Variants in FMN2 observed in about 807,000 individuals in gnomAD.
FMN2 encodes formin-2.
Under a neutral mutation model 142.3 loss-of-function variants are expected in FMN2, and 51 were observed. The ratio of observed to expected loss-of-function variants is 0.36; its 90% CI spans 0.29 to 0.45. The LOEUF (loss-of-function observed/expected upper bound fraction) is 0.45, where lower values mean the gene tolerates loss of function less well. Ranked by LOEUF, FMN2 falls within the 20% of genes least tolerant of loss-of-function variation. FMN2 has a pLI of 1.00. For synonymous variants in FMN2, 882 were observed against 869.8 expected (o/e 1.01, Z -0.25); for missense variants, 1,936 against 2,122.8 (o/e 0.91, Z 1.73).
intron 1 of FMN2, among the ~76,000 whole-genome samples, chr1:240,097,288 T>G (rs1199242297): frequency 2.6e-5 from 4 of 152,148 alleles, no homozygotes; most frequent in Admixed American, 2.6e-4. Flanking sequence ...GTCTGTAGTT[T>G]CTGAGTTTTT....
In FMN2 at chr1:240,450,442, GTCTT is replaced by G. The variant is rs573861678; in HGVS notation, c.5060+12236_5060+12239del. Among the ~76,000 whole-genome samples the G allele has an allele frequency of 3.3e-5, 5 of 152,276 alleles. No homozygotes were observed. The East Asian group carries it at 7.7e-4, about 24-fold the overall frequency. On this transcript the variant is annotated intron_variant, in intron 16 of 17. Transcript: ENST00000319653. ...ACCTAGGATCCCAGATACCTTGAAT[GTCTT>G]TCTAAGTCTGAACACTTTAGGTAAT...
intron 8 of FMN2, among the ~76,000 whole-genome samples, chr1:240,297,163 T>C (rs1370070332): frequency 6.6e-6 from 1 of 152,212 alleles, no homozygotes; most frequent in African/African-American, 2.4e-5. Context: ...ACATTTGGTG[T>C]ATACATGGTG....
intron 8 of FMN2, among the ~76,000 whole-genome samples, chr1:240,306,802 T>G (rs1670423936): frequency 6.6e-6 from 1 of 152,268 alleles, no homozygotes; most frequent in African/African-American, 2.4e-5. Flanking sequence ...ATTTCTATTT[T>G]TAGTTCATTG....
intron 13 of FMN2, among the ~76,000 whole-genome samples, chr1:240,353,835 A>G (rs1298290199): frequency 6.6e-6 from 1 of 152,152 alleles, no homozygotes; most frequent in Non-Finnish European, 1.5e-5. Context: ...GATGCCCTGG[A>G]ATCACCAAAG....
At chr1:240,100,754 C>T (rs906519325) in intron 1 of FMN2, among the ~76,000 whole-genome samples, 5 of 152,160 alleles carry the variant, frequency 3.3e-5, no homozygotes, top group African/African-American at 1.2e-4. Flanking sequence ...CAGGCTCCAA[C>T]CTACCAGGAA....
chr1:240,234,241 ACCT>A (rs1667622413), intron 6 of FMN2, among the ~76,000 whole-genome samples: 2 of 151,760 alleles, frequency 1.3e-5, no homozygotes, highest in African/African-American at 4.8e-5. Context: ...TGCATTAACA[ACCT>A]CCTCAGGTGA....
chr1:240,255,083 C>T (rs187554973), intron 6 of FMN2, among the ~76,000 whole-genome samples: 67 of 152,266 alleles, frequency 4.4e-4, no homozygotes, highest in African/African-American at 1.5e-3. Context: ...ATGTGGGCTG[C>T]TGGGGTCGCT....
chr1:240,121,702 T>A (rs766164860), intron 1 of FMN2, among the ~76,000 whole-genome samples: 7 of 133,734 alleles, frequency 5.2e-5, no homozygotes, highest in Non-Finnish European at 7.7e-5. Flanking sequence ...TGTCTTCTTA[T>A]TATGCCTCTC....
At chr1:240,353,390 G>T (rs989466747) in intron 13 of FMN2, among the ~76,000 whole-genome samples, 14 of 152,184 alleles carry the variant, frequency 9.2e-5, no homozygotes, top group Admixed American at 3.9e-4. Context: ...GGCACATTCA[G>T]TGGATGGGTG....
At chr1:240,166,696 C>A (rs1257880534) in intron 2 of FMN2, among the ~76,000 whole-genome samples, 1 of 152,116 alleles carries the variant, frequency 6.6e-6, no homozygotes, top group Non-Finnish European at 1.5e-5. Context: ...TTTTTGGAAA[C>A]TCTACTTTTT....
chr1:240,464,006 A>T (rs2103233707), intron 16 of FMN2, among the ~76,000 whole-genome samples: 1 of 152,284 alleles, frequency 6.6e-6, no homozygotes, highest in South Asian at 2.1e-4. Flanking sequence ...CCATTGAAAA[A>T]AAAAAATTAA....
At chr1:240,337,869 G>T (rs1488611039) in intron 13 of FMN2, among the ~76,000 whole-genome samples, 1 of 152,114 alleles carries the variant, frequency 6.6e-6, no homozygotes, top group South Asian at 2.1e-4. Context: ...TCACTCCCAA[G>T]ATTTCCATAT....
intron 6 of FMN2, among the ~76,000 whole-genome samples, chr1:240,238,859 T>A (rs1221921224): frequency 6.6e-6 from 1 of 152,178 alleles, no homozygotes; most frequent in African/African-American, 2.4e-5. Flanking sequence ...AACAACAATA[T>A]GGATTTTACA....
At chr1:240,431,423 T>TATATATACAC (rs1491221486) in intron 15 of FMN2, among the ~76,000 whole-genome samples, 25 of 130,938 alleles carry the variant, frequency 1.9e-4, no homozygotes, top group African/African-American at 6.6e-4. Flanking sequence ...TATATATATA[T>TATATATACAC]ACATATATAT....
At chr1:240,126,847 G>C (rs186638602) in intron 2 of FMN2, among the ~76,000 whole-genome samples, 4 of 152,238 alleles carry the variant, frequency 2.6e-5, no homozygotes, top group Non-Finnish European at 5.9e-5. Context: ...GAATGCATAG[G>C]CTAATTAATT....
In FMN2 at chr1:240,207,454, C is replaced by T. The variant is rs747545822; in HGVS notation, c.2642C>T (p.Pro881Leu). Residue 881 changes from proline to leucine, a missense_variant, in exon 5 of 18, where the codon CCC (proline) becomes CTC (leucine). By Grantham distance (98) the Pro-to-Leu change is moderately conservative. Around this residue, in one of 8 missense-constraint regions of FMN2, gnomAD observed 478 missense variants for 462.8 expected, o/e 1.03. Coordinates refer to ENST00000319653, the MANE Select transcript of FMN2 (RefSeq NM_020066.5). ...PGLGMVPPPPPPLPGMTVPTL... is the reference protein window; with the variant it reads ...PGLGMVPPPPLPLPGMTVPTL... ...CTGGGCATGGTGCCTCCCCCACCTCCCCCTCTCCCTGGCATGACAGTGCCT... is the reference window on the plus strand; with the variant it reads ...CTGGGCATGGTGCCTCCCCCACCTCTCCCTCTCCCTGGCATGACAGTGCCT... The T allele has an allele frequency of 6.2e-6, 10 of 1,613,612 alleles. No individual in the cohort carries two copies. Among genetic ancestry groups the T allele is most frequent in the South Asian group, 1.1e-5 (1 of 91,074 alleles).
chr1:240,253,609 T>C (rs1418566063), intron 6 of FMN2, among the ~76,000 whole-genome samples: 3 of 152,244 alleles, frequency 2.0e-5, no homozygotes, highest in Non-Finnish European at 4.4e-5. Context: ...TCTTTTTCAT[T>C]GGAATTTGTT....
intron 7 of FMN2, among the ~76,000 whole-genome samples, chr1:240,275,659 A>AT (rs1221934314): frequency 6.6e-6 from 1 of 152,138 alleles, no homozygotes; most frequent in Non-Finnish European, 1.5e-5. Flanking sequence ...TCCTTGAGAA[A>AT]TTGCCACACT....
rs573456599 is a variant in FMN2 at position 240,164,022 on chromosome 1, G to A, written c.1783-13899G>A. On this transcript the variant is annotated intron_variant, in intron 2 of 17. Coordinates refer to ENST00000319653, the MANE Select transcript of FMN2 (RefSeq NM_020066.5). Reference sequence around the variant, plus strand: ...CAAGTAGCTAGGACTACACTACAGGGGTGCGTCACCACCCCAAGATAATTT... The same window carrying A: ...CAAGTAGCTAGGACTACACTACAGGAGTGCGTCACCACCCCAAGATAATTT... 4.2e-4 allele frequency among the ~76,000 whole-genome samples: 64 copies of A among 151,966 alleles called. 1 individual carries two copies. In the Middle Eastern group the frequency reaches 0.01, roughly 24 times the overall value.
Sources: gnomAD v4.1 joint callset for allele counts (sites outside exome capture counted in the v4.1 genomes callset) on GRCh38, gnomAD v4.1.1 for gene constraint, gnomAD v4.1.1 regional missense constraint, MANE v1.5 for transcripts, NCBI Gene and HGNC (gene_info 2026-07-23, HGNC 2026-07-21) for gene names.